CLIP2: variants seen among roughly 807,000 people sequenced by gnomAD.
CLIP2 encodes the protein CAP-Gly domain containing linker protein 2.
CLIP2 carries 41 observed loss-of-function variants against 111.7 expected under a neutral mutation model. That is an observed-to-expected ratio of 0.37 (90% CI 0.29 to 0.48). CLIP2 has a LOEUF of 0.48. Ranked by LOEUF, CLIP2 falls within the 20% of genes least tolerant of loss-of-function variation. CLIP2 has a pLI of 0.99. For missense variants in CLIP2, 1,160 were observed against 1,422.1 expected, an observed-to-expected ratio of 0.82 and a Z score of 2.96; for synonymous variants, 660 against 644.2, an observed-to-expected ratio of 1.02 and a Z score of -0.37.
chr7:74,332,115 C>T (rs578033636), intron 2 of CLIP2, among the ~76,000 whole-genome samples: 1 of 151,906 alleles, frequency 6.6e-6, no homozygotes, highest in South Asian at 2.1e-4. Flanking sequence ...GCTCTTTTGC[C>T]CAGGCTGGAG....
chr7:74,317,199 G>A (rs1276843447), intron 1 of CLIP2, among the ~76,000 whole-genome samples: 2 of 152,148 alleles, frequency 1.3e-5, no homozygotes, highest in African/African-American at 4.8e-5. Context: ...GGCCTGGTGT[G>A]GAGTTGAGGC....
chr7:74,324,710 G>T (rs1343103605), intron 2 of CLIP2, among the ~76,000 whole-genome samples: 1 of 152,028 alleles, frequency 6.6e-6, no homozygotes, highest in Non-Finnish European at 1.5e-5. Flanking sequence ...CCCAGGCTGG[G>T]GAAGGAGGTG....
intron 12 of CLIP2, chr7:74,388,807 A>G (rs1475669637): frequency 1.3e-4 from 29 of 220,946 alleles, no homozygotes; most frequent in East Asian, 2.0e-4. Flanking sequence ...AAAAAAAAAA[A>G]CCGCCAGGTA....
intron 3 of CLIP2, among the ~76,000 whole-genome samples, chr7:74,341,071 T>A (rs782425387): frequency 3.3e-5 from 5 of 152,064 alleles, no homozygotes; most frequent in African/African-American, 4.8e-5. Context: ...CGAGAGGTAA[T>A]GTTTACACCC....
At chr7:74,380,952 ATCATCTGCCATTTGGTAAGAG>A (rs782815201) in intron 11 of CLIP2, 89 bp downstream of exon 11, 2 of 1,272,100 alleles carry the variant, frequency 1.6e-6, no homozygotes, top group Non-Finnish European at 2.3e-6. Context: ...TTTGGTTTGC[ATCATCTGCCATTTGGTAAGAG>A]TCACCTCCTG....
intron 8 of CLIP2, among the ~76,000 whole-genome samples, chr7:74,368,842 C>T (rs1366572110): frequency 1.8e-4 from 27 of 152,318 alleles, no homozygotes; most frequent in Middle Eastern, 6.8e-3. Context: ...ATCAACTCAC[C>T]GCCAGTCTTA....
chr7:74,325,145 G>A (rs1789074800), intron 2 of CLIP2, among the ~76,000 whole-genome samples: 1 of 152,210 alleles, frequency 6.6e-6, no homozygotes, highest in Non-Finnish European at 1.5e-5. Context: ...CAAGGGACAG[G>A]GCCTGGACTG....
chr7:74,305,855 A>ACCCCCCCCCCCCCCCCCCCCCCCCCCC (rs1478628381), intron 1 of CLIP2, among the ~76,000 whole-genome samples: 8 of 52,298 alleles, frequency 1.5e-4, no homozygotes, highest in East Asian at 7.6e-4. Context: ...CTGCACCCCA[A>ACCCCCCCCCCCCCCCCCCCCCCCCCCC]CCCCCCCCCA....
chr7:74,389,105 C>T lies in CLIP2; in HGVS notation c.2566C>T (p.Leu856=). ...CCTTCCCTGCCGGCTGACCCCAGCGCTGGAGAGCAAGTGTAAGTCAGGCGA... is the reference window on the plus strand; with the variant it reads ...CCTTCCCTGCCGGCTGACCCCAGCGTTGGAGAGCAAGTGTAAGTCAGGCGA... ...TEMLRAQVSA[L]ESKCKSGEKK... The change falls in exon 13 of 17, where the codon CTG becomes TTG. Residue 856 remains leucine, a splice_region_variant and synonymous_variant. Transcript: ENST00000223398. The T allele has an allele frequency of 1.9e-6, 3 of 1,609,006 alleles. No individual in the cohort carries two copies. The highest frequency in any genetic ancestry group is 2.5e-6 in the Non-Finnish European group (3 of 1,178,024).
At chr7:74,334,848 T>C (rs1554731853) in intron 2 of CLIP2, among the ~76,000 whole-genome samples, 1 of 146,698 alleles carries the variant, frequency 6.8e-6, no homozygotes, top group Non-Finnish European at 1.5e-5. Flanking sequence ...AATAGCCTGG[T>C]GTGCTGGCAC....
chr7:74,388,821 T>A, intron 12 of CLIP2: 1 of 256,150 alleles, frequency 3.9e-6, no homozygotes, highest in Non-Finnish European at 7.3e-6. Context: ...CCAGGTATGA[T>A]GGTGCACTCC....
intron 1 of CLIP2, among the ~76,000 whole-genome samples, chr7:74,304,726 A>G (rs1307380790): frequency 6.6e-6 from 1 of 151,928 alleles, no homozygotes; most frequent in Non-Finnish European, 1.5e-5. Context: ...GGCTGAGCCA[A>G]GAGAATCACT....
chr7:74,368,541 T>A (rs1215628891), intron 8 of CLIP2, among the ~76,000 whole-genome samples: 5 of 150,536 alleles, frequency 3.3e-5, no homozygotes, highest in South Asian at 2.1e-4. Context: ...AATAAATAAA[T>A]AAAAATAAAT....
intron 1 of CLIP2, among the ~76,000 whole-genome samples, chr7:74,295,121 C>A (rs1326109351): frequency 4.6e-5 from 7 of 152,122 alleles, no homozygotes; most frequent in South Asian, 2.1e-4. Flanking sequence ...TGTCACCATG[C>A]CCAGCTAATT....
In CLIP2 at chr7:74,389,196, G is replaced by C. The variant is rs141986767; in HGVS notation, c.2657G>C (p.Arg886Pro). Reference sequence around the variant, plus strand: ...GAGGCAGAGCTGGAGACCGTGTCCCGGAAGACCCATGACGCCTCGGGCCAG... The same window carrying C: ...GAGGCAGAGCTGGAGACCGTGTCCCCGAAGACCCATGACGCCTCGGGCCAG... Reference protein sequence around the residue: ...RLEAELETVSRKTHDASGQLV... With the variant: ...RLEAELETVSPKTHDASGQLV... The change falls in exon 13 of 17, where the codon CGG (arginine) becomes CCG (proline). Residue 886 changes from arginine (R) to proline (P), a missense_variant. Arg to Pro is a moderately radical substitution (Grantham distance 103, BLOSUM62 -2). Around this residue, in one of 5 missense-constraint regions of CLIP2, gnomAD observed 676 missense variants for 777.8 expected, o/e 0.87. Coordinates refer to ENST00000223398, the MANE Select transcript of CLIP2 (RefSeq NM_003388.5). 6.2e-7 allele frequency: 1 copy of C among 1,613,276 alleles called. No individual in the cohort carries two copies. The highest frequency in any genetic ancestry group is 8.5e-7 in the Non-Finnish European group (1 of 1,179,736).
At chr7:74,335,899 C>T (rs1490088658) in intron 2 of CLIP2, among the ~76,000 whole-genome samples, 9 of 151,446 alleles carry the variant, frequency 5.9e-5, no homozygotes, top group East Asian at 5.9e-4. Flanking sequence ...CCCACCACCA[C>T]GCCTGACTAA....
intron 2 of CLIP2, among the ~76,000 whole-genome samples, chr7:74,319,447 A>C (rs1456510649): frequency 6.6e-6 from 1 of 152,192 alleles, no homozygotes; most frequent in South Asian, 2.1e-4. Flanking sequence ...GGCGGAGGCT[A>C]CAGTGAGCCG....
chr7:74,302,819 A>G (rs1788375030), intron 1 of CLIP2, among the ~76,000 whole-genome samples: 1 of 152,184 alleles, frequency 6.6e-6, no homozygotes, highest in Non-Finnish European at 1.5e-5. Flanking sequence ...TGCTGGGGCA[A>G]GGCCCTATCC....
intron 2 of CLIP2, among the ~76,000 whole-genome samples, chr7:74,321,759 C>T (rs539998178): frequency 1.2e-4 from 18 of 151,778 alleles, no homozygotes; most frequent in South Asian, 6.3e-4. Flanking sequence ...TGAGCCACCG[C>T]GCCTGGCCTT....
Sources: allele counts gnomAD v4.1 joint callset (sites outside exome capture counted in the v4.1 genomes callset), GRCh38; gene constraint gnomAD v4.1.1; regional missense constraint gnomAD v4.1.1; transcripts MANE v1.5; gene names NCBI Gene and HGNC (gene_info 2026-07-23, HGNC 2026-07-21).